KIAA0586: variants seen among roughly 807,000 people sequenced by gnomAD.
KIAA0586 encodes the protein KIAA0586.
Under a neutral mutation model 169.8 loss-of-function variants are expected in KIAA0586, and 144 were observed. That is an observed-to-expected ratio of 0.85 (90% CI 0.74 to 0.97). KIAA0586 has a LOEUF of 0.97. Among genes scored for constraint, KIAA0586 ranks in the 50% least tolerant of loss-of-function variants. The pLI, the probability that KIAA0586 is intolerant of heterozygous loss-of-function variation, is 0.00. For synonymous variants in KIAA0586, 625 were observed against 612.4 expected, an observed-to-expected ratio of 1.02 and a Z score of -0.30; for missense variants, 1,854 against 1,823.0, an observed-to-expected ratio of 1.02 and a Z score of -0.31.
chr14:58,454,170 A>G (rs1004316928), intron 9 of KIAA0586, among the ~76,000 whole-genome samples: 3 of 151,734 alleles, frequency 2.0e-5, no homozygotes, highest in Non-Finnish European at 2.9e-5. Flanking sequence ...TTCTTTTGTC[A>G]TTTTCTCTAC....
At chr14:58,427,482 A>C (rs1404045227), upstream of KIAA0586, 1 of 1,060,372 alleles carries the variant, frequency 9.4e-7, no homozygotes, top group African/African-American at 1.6e-5. Flanking sequence ...GGAGCTCTTC[A>C]AGTCTTGGAT....
At chr14:58,444,915 GAAAA>G (rs869127762) in intron 6 of KIAA0586, among the ~76,000 whole-genome samples, 4 of 111,948 alleles carry the variant, frequency 3.6e-5, no homozygotes, top group Admixed American at 9.7e-5. Context: ...CATCTCTTAG[GAAAA>G]AAAAAAAAAA....
At chr14:58,433,363 A>G (rs1161333398) in intron 4 of KIAA0586, 1 of 152,188 alleles carries the variant, frequency 6.6e-6, no homozygotes, top group Non-Finnish European at 1.5e-5. Context: ...CACCATGATC[A>G]GCCTTCAGTT....
the KIAA0586 span, among the ~76,000 whole-genome samples, chr14:58,560,024 G>A: frequency 6.6e-6 from 1 of 151,920 alleles, no homozygotes; most frequent in South Asian, 2.1e-4. Context: ...GATGGCACGC[G>A]CCTGTAATAC....
At chr14:58,533,342 A>C (rs958160559) in intron 29 of KIAA0586, among the ~76,000 whole-genome samples, 1 of 152,236 alleles carries the variant, frequency 6.6e-6, no homozygotes, top group Non-Finnish European at 1.5e-5. Context: ...AAGAAATGAA[A>C]TATTTATCTT....
chr14:58,454,206 G>A (rs1233640667), intron 9 of KIAA0586, among the ~76,000 whole-genome samples: 3 of 151,660 alleles, frequency 2.0e-5, no homozygotes, highest in Admixed American at 1.3e-4. Context: ...TATTTTCTTC[G>A]TGGTCACTCC....
rs971910696 is a variant in KIAA0586 at position 58,427,763 on chromosome 14, C to G, written c.-502C>G. Reference sequence around the variant, plus strand: ...CACGACGGTGCGGGTCTCGGGCGTTCTGGAGATACGTAGGGGTGAATTTAT... The same window carrying G: ...CACGACGGTGCGGGTCTCGGGCGTTGTGGAGATACGTAGGGGTGAATTTAT... On this transcript the variant is annotated 5_prime_UTR_variant, in exon 1 of 31. Transcript: ENST00000652326. 81 of 1,530,898 alleles carry G rather than the reference C, an allele frequency of 5.3e-5. No homozygotes were observed. The highest frequency in any genetic ancestry group is 6.5e-5 in the Non-Finnish European group (75 of 1,145,150). The allele number at this position is 1,530,898 out of a possible 1,614,324, so 94.8% of individuals were successfully genotyped here.
intron 29 of KIAA0586, among the ~76,000 whole-genome samples, chr14:58,539,385 T>C (rs2046497847): frequency 6.6e-6 from 1 of 152,202 alleles, no homozygotes; most frequent in East Asian, 1.9e-4. Context: ...TGAAATAAGT[T>C]ATAGAAGGTT....
In KIAA0586 at chr14:58,548,177, AG is replaced by A; in HGVS notation, c.*248del. On this transcript the variant is annotated 3_prime_UTR_variant, in exon 31 of 31. Coordinates refer to ENST00000652326, the MANE Select transcript of KIAA0586 (RefSeq NM_001329943.3). ...TCCTGAGATAGCATAGAGTAGTGAAAGGGCATGGCTTTTGACATCTAGGCAT... is the reference window on the plus strand; with the variant it reads ...TCCTGAGATAGCATAGAGTAGTGAAAGGCATGGCTTTTGACATCTAGGCAT... 1 of 391,750 alleles carries A rather than the reference AG, an allele frequency of 2.6e-6. No individual in the cohort carries two copies. The highest frequency in any genetic ancestry group is 4.5e-6 in the Non-Finnish European group (1 of 222,312). 24.3% of individuals were successfully genotyped at this position (391,750 alleles called of 1,614,324 possible). A position where few individuals can be genotyped will look rare whatever the true frequency, so the allele number is the denominator to read the frequency against.
chr14:58,481,959 G>A (rs935106652), intron 20 of KIAA0586, among the ~76,000 whole-genome samples: 10 of 151,694 alleles, frequency 6.6e-5, no homozygotes, highest in Admixed American at 1.3e-4. Context: ...GACTACAGGC[G>A]CCTGCCACCA....
intron 25 of KIAA0586, among the ~76,000 whole-genome samples, chr14:58,491,545 C>T (rs2042833455): frequency 6.6e-6 from 1 of 152,016 alleles, no homozygotes; most frequent in Non-Finnish European, 1.5e-5. Flanking sequence ...ACTCTGAGGC[C>T]CACACTGTTC....
the KIAA0586 span, among the ~76,000 whole-genome samples, chr14:58,559,859 T>C: frequency 6.6e-6 from 1 of 152,022 alleles, no homozygotes; most frequent in Admixed American, 6.6e-5. Context: ...AAAACTAAAA[T>C]GGACAGGCCC....
chr14:58,542,714 C>T (rs761888213), intron 30 of KIAA0586, among the ~76,000 whole-genome samples: 7 of 152,100 alleles, frequency 4.6e-5, no homozygotes. Context: ...TGCAGCCCAC[C>T]CTGAGCCTCA....
intron 3 of KIAA0586, among the ~76,000 whole-genome samples, chr14:58,431,134 T>G (rs1330905520): frequency 1.3e-5 from 2 of 152,242 alleles, no homozygotes; most frequent in African/African-American, 4.8e-5. Flanking sequence ...TTTATTATTT[T>G]CATTTTAAAT....
chr14:58,473,035 G>A (rs1451560887), intron 18 of KIAA0586, among the ~76,000 whole-genome samples: 2 of 149,506 alleles, frequency 1.3e-5, no homozygotes, highest in Non-Finnish European at 3.0e-5. Context: ...AAGGTACTTG[G>A]TAATTGTTTA....
chr14:58,455,926 A>C (rs1276716777), intron 9 of KIAA0586, among the ~76,000 whole-genome samples: 1 of 152,160 alleles, frequency 6.6e-6, no homozygotes, highest in African/African-American at 2.4e-5. Flanking sequence ...TCAAAACTCC[A>C]CTTTGGACAT....
chr14:58,539,866 G>T, intron 29 of KIAA0586: 2 of 425,488 alleles, frequency 4.7e-6, no homozygotes. Context: ...ATCCGTTAAA[G>T]TATTTCCTAT....
In KIAA0586 at chr14:58,488,790, A is replaced by G. The variant is rs754909248; in HGVS notation, c.3697A>G (p.Thr1233Ala). The G allele has an allele frequency of 5.0e-6, 8 of 1,613,738 alleles. No homozygotes were observed. The change falls in exon 24 of 31, where the codon ACT (threonine) becomes GCT (alanine). Residue 1233 changes from threonine (T) to alanine (A), a missense_variant. Transcript: ENST00000652326. ...AACACTGGAGAGCACATTGAGTGTT[A>G]CTGTCACTGAAACTGAAACTTTAGA... ...SSTLESTLSV[T>A]VTETETLDKP...
chr14:58,483,476 C>A (rs1001731032), intron 21 of KIAA0586, among the ~76,000 whole-genome samples: 1 of 151,960 alleles, frequency 6.6e-6, no homozygotes, highest in Admixed American at 6.6e-5. Flanking sequence ...CATTATCACA[C>A]CCCCCCAGAT....
Sources: allele counts gnomAD v4.1 joint callset (sites outside exome capture counted in the v4.1 genomes callset), GRCh38; gene constraint gnomAD v4.1.1; transcripts MANE v1.5; gene names NCBI Gene and HGNC (gene_info 2026-07-23, HGNC 2026-07-21).